SGCZ: variants seen among roughly 807,000 people sequenced by gnomAD.
SGCZ encodes the protein zeta-sarcoglycan.
SGCZ carries 40 observed loss-of-function variants against 41.3 expected under a neutral mutation model. The observed-to-expected ratio is 0.97, with a 90% confidence interval of 0.75 to 1.26. The LOEUF (loss-of-function observed/expected upper bound fraction) is 1.26. SGCZ is among the 50% of genes most tolerant of loss of function. The pLI is 0.00. For synonymous variants in SGCZ, 206 were observed against 137.5 expected, an observed-to-expected ratio of 1.50 and a Z score of -3.49; for missense variants, 552 against 369.8, an observed-to-expected ratio of 1.49 and a Z score of -4.04.
intron 1 of SGCZ, among the ~76,000 whole-genome samples, chr8:14,845,984 G>C: frequency 6.6e-6 from 1 of 152,042 alleles, no homozygotes; most frequent in Non-Finnish European, 1.5e-5. Flanking sequence ...AGTTCACATG[G>C]AATCATTATA....
chr8:14,118,171 A>C (rs1802582460), intron 5 of SGCZ, among the ~76,000 whole-genome samples: 1 of 152,224 alleles, frequency 6.6e-6, no homozygotes, highest in South Asian at 2.1e-4. Context: ...TGTCTTCCAC[A>C]ATGGTTGAAC....
chr8:14,676,955 T>C (rs113429368), intron 1 of SGCZ, among the ~76,000 whole-genome samples: 1,915 of 152,064 alleles, frequency 0.013, 36 homozygotes, highest in African/African-American at 0.031. Context: ...TACTGTAAAT[T>C]CTAGTTAATG....
chr8:15,054,591 T>G (rs1435137886), intron 1 of SGCZ, among the ~76,000 whole-genome samples: 1 of 152,172 alleles, frequency 6.6e-6, no homozygotes, highest in Admixed American at 6.5e-5. Context: ...GTTGTATTAA[T>G]ACTTGAATGT....
rs73666518 is a variant in SGCZ at position 14,309,051 on chromosome 8, T to C, written c.336+15052A>G. ...ATGAAACCGGAAGCCTCCCCTACTC[T>C]TAATTCCCCAACTACAGAAGAGGAG... On this transcript the variant is annotated intron_variant, in intron 3 of 7. Transcript: ENST00000382080. The C allele has an allele frequency of 4.4e-3, 5,975 of 1,365,046 alleles. 122 individuals carry two copies. In the African/African-American group the frequency reaches 0.045, roughly 10 times the overall value. 84.6% of individuals were successfully genotyped at this position (1,365,046 alleles called of 1,614,324 possible).
At chr8:14,497,109 T>C in intron 2 of SGCZ, among the ~76,000 whole-genome samples, 1 of 152,164 alleles carries the variant, frequency 6.6e-6, no homozygotes, top group Non-Finnish European at 1.5e-5. Flanking sequence ...TGGTTACGCG[T>C]CACAATCTGT....
chr8:14,234,862 C>G (rs1485026349), intron 4 of SGCZ, among the ~76,000 whole-genome samples: 1 of 152,144 alleles, frequency 6.6e-6, no homozygotes, highest in African/African-American at 2.4e-5. Flanking sequence ...GATACACTTT[C>G]TGTGTTGTGT....
intron 1 of SGCZ, among the ~76,000 whole-genome samples, chr8:15,002,903 G>A (rs997087128): frequency 6.6e-5 from 10 of 152,084 alleles, no homozygotes; most frequent in Non-Finnish European, 1.3e-4. Context: ...ATGGAATCAT[G>A]GGGTTGGGTC....
chr8:14,671,684 G>T (rs1446287864), intron 1 of SGCZ, among the ~76,000 whole-genome samples: 1 of 151,976 alleles, frequency 6.6e-6, no homozygotes, highest in Non-Finnish European at 1.5e-5. Context: ...TTCAAACCAT[G>T]CATTTTCACT....
At chr8:14,706,108 T>C (rs529730796) in intron 1 of SGCZ, among the ~76,000 whole-genome samples, 1 of 152,004 alleles carries the variant, frequency 6.6e-6, no homozygotes, top group East Asian at 1.9e-4. Context: ...ATCTAGAATT[T>C]TCCCCCCCAT....
intron 3 of SGCZ, among the ~76,000 whole-genome samples, chr8:14,302,699 C>T (rs370334342): frequency 5.4e-4 from 82 of 152,260 alleles, no homozygotes; most frequent in African/African-American, 1.5e-3. Context: ...CACTGGGATT[C>T]AAGCTTCACC....
intron 2 of SGCZ, among the ~76,000 whole-genome samples, chr8:14,359,012 A>G (rs1803405600): frequency 6.6e-6 from 1 of 152,206 alleles, no homozygotes; most frequent in African/African-American, 2.4e-5. Context: ...ATTCTAAAAT[A>G]CATGACTTTC....
intron 1 of SGCZ, among the ~76,000 whole-genome samples, chr8:15,183,233 T>C (rs369442707): frequency 2.0e-5 from 3 of 152,216 alleles, no homozygotes; most frequent in African/African-American, 4.8e-5. Context: ...ACCAGTAACA[T>C]AGTCATTTAT....
intron 2 of SGCZ, among the ~76,000 whole-genome samples, chr8:14,327,357 C>T (rs1469557981): frequency 1.3e-5 from 2 of 152,140 alleles, no homozygotes; most frequent in African/African-American, 2.4e-5. Flanking sequence ...GGCTTTAAAA[C>T]ACTATTTTGT....
chr8:14,161,087 G>T (rs1386764271), intron 5 of SGCZ, among the ~76,000 whole-genome samples: 4 of 152,112 alleles, frequency 2.6e-5, no homozygotes, highest in African/African-American at 7.2e-5. Context: ...GTCAGCACAG[G>T]TATCTAATTT....
Position 14,976,001 on chromosome 8 carries a change from C to CATATAT in SGCZ, c.39+261578_39+261583dup, listed in dbSNP as rs145427292. 2.4e-3 allele frequency among the ~76,000 whole-genome samples: 331 copies of CATATAT among 140,156 alleles called. 1 individual carries two copies. The highest frequency in any genetic ancestry group is 6.6e-3 in the East Asian group (32 of 4,846). 91.9% of individuals were successfully genotyped at this position (140,156 alleles called of 152,430 possible). A position where few individuals can be genotyped will look rare whatever the true frequency, so the allele number is the denominator to read the frequency against. On this transcript the variant is annotated intron_variant, in intron 1 of 7. Transcript: ENST00000382080. ...GTGTATGTGTGTATATATATATATA[C>CATATAT]ATATATATATATATACACATATATA...
intron 1 of SGCZ, among the ~76,000 whole-genome samples, chr8:14,901,391 G>C (rs1420427467): frequency 1.3e-5 from 2 of 152,100 alleles, no homozygotes; most frequent in African/African-American, 4.8e-5. Context: ...TGGTCAGTTT[G>C]GACCTGGCCA....
At chr8:14,359,818 A>G (rs891397400) in intron 2 of SGCZ, among the ~76,000 whole-genome samples, 2 of 151,876 alleles carry the variant, frequency 1.3e-5, no homozygotes, top group South Asian at 2.1e-4. Flanking sequence ...AAAAAAAGAA[A>G]AAAAAAAAAA....
At chr8:15,179,529 T>A (rs953336544) in intron 1 of SGCZ, among the ~76,000 whole-genome samples, 1 of 152,166 alleles carries the variant, frequency 6.6e-6, no homozygotes, top group South Asian at 2.1e-4. Flanking sequence ...AAATAACAAG[T>A]AATTTTCGTT....
At chr8:14,561,947 G>T (rs2117208469) in intron 1 of SGCZ, among the ~76,000 whole-genome samples, 1 of 152,194 alleles carries the variant, frequency 6.6e-6, no homozygotes, top group East Asian at 1.9e-4. Flanking sequence ...TTCAGACAGG[G>T]TTAGTTTGCT....
Sources: allele counts gnomAD v4.1 joint callset (sites outside exome capture counted in the v4.1 genomes callset), GRCh38; gene constraint gnomAD v4.1.1; transcripts MANE v1.5; gene names NCBI Gene and HGNC (gene_info 2026-07-23, HGNC 2026-07-21).